Variants in ZNF626 observed in about 807,000 individuals in gnomAD.
The protein encoded by ZNF626 is CTC-513N18.7.
A neutral mutation model predicts 11.7 loss-of-function variants in ZNF626; 4 were observed. The observed-to-expected ratio is 0.34, with a 90% CI of 0.17 to 0.78. ZNF626 has a LOEUF of 0.78. Ranked by LOEUF, ZNF626 falls within the 30% of genes least tolerant of loss-of-function variation. ZNF626 has a pLI of 0.57. For synonymous variants in ZNF626, 179 were observed against 198.6 expected (o/e 0.90, Z 0.83); for missense variants, 588 against 587.1 (o/e 1.00, Z -0.01).
intron 3 of ZNF626, among the ~76,000 whole-genome samples, chr19:20,636,881 C>T (rs914594555): frequency 6.6e-6 from 1 of 151,938 alleles, no homozygotes; most frequent in East Asian, 1.9e-4. Context: ...ATTATTTGGG[C>T]ATGGTGGCAC....
In ZNF626 at chr19:20,623,780, C is replaced by CA; in HGVS notation, c.*509dup. On this transcript the variant is annotated 3_prime_UTR_variant, in exon 4 of 4. Transcript: ENST00000601440. ...TGCTATTGCACACCAGACTGGGTGA[C>CA]AAGAGTTGAAACTCCATCTCAAAAA... The CA allele has an allele frequency of 4.6e-6, 1 of 219,602 alleles. No individual in the cohort carries two copies. Among genetic ancestry groups the CA allele is most frequent in the Non-Finnish European group, 8.4e-6 (1 of 119,662 alleles). 13.6% of individuals were successfully genotyped at this position (219,602 alleles called of 1,614,324 possible).
Position 20,659,474 on chromosome 19 carries a change from G to A in ZNF626, c.3+1970C>T, listed in dbSNP as rs140789274. ...CAGGCTGGTCTCAAGCTCCTGACTT[G>A]CGGTGATCCGTCCGCCTAGGCCTCC... On this transcript the variant is annotated intron_variant, in intron 1 of 3. Transcript: ENST00000601440. Among the ~76,000 whole-genome samples the A allele has an allele frequency of 3.9e-3, 596 of 152,186 alleles. 2 individuals are homozygous for A. The highest frequency in any genetic ancestry group is 6.5e-3 in the Admixed American group (99 of 15,276).
chr19:20,645,296 GATGCAA>G (rs1970063362), intron 3 of ZNF626: 1 of 1,508,414 alleles, frequency 6.6e-7, no homozygotes, highest in Admixed American at 2.5e-5. Flanking sequence ...TTTCAGATCT[GATGCAA>G]AGAGAACTTT....
Position 20,661,492 on chromosome 19 carries a change from A to G in ZNF626, c.-46T>C, listed in dbSNP as rs1555773692. ...CGGTGTCTTAGCTGTGGATCTCCCA[A>G]TACCTGCAGGACACGGGGCCACACA... On this transcript the variant is annotated 5_prime_UTR_variant, in exon 1 of 4. Coordinates refer to ENST00000601440, the MANE Select transcript of ZNF626 (RefSeq NM_001076675.3). 1.9e-6 allele frequency: 3 copies of G among 1,611,156 alleles called. No individual in the cohort carries two copies. The highest frequency in any genetic ancestry group is 2.5e-6 in the Non-Finnish European group (3 of 1,178,306).
intron 3 of ZNF626, 72 bp from the exon 4 acceptor site, chr19:20,625,722 T>C: frequency 7.0e-7 from 1 of 1,427,310 alleles, no homozygotes; most frequent in Non-Finnish European, 9.3e-7. Flanking sequence ...ATATGCAGTT[T>C]GTATAGTTTT....
At chr19:20,638,489 A>C (rs1969989774) in intron 3 of ZNF626, among the ~76,000 whole-genome samples, 2 of 151,584 alleles carry the variant, frequency 1.3e-5, no homozygotes, top group Non-Finnish European at 2.9e-5. Context: ...AGAAAGCCTG[A>C]GTGGTTTTTT....
In ZNF626 at chr19:20,642,848, C is replaced by G. The variant is rs1406093013; in HGVS notation, c.226+2836G>C. On this transcript the variant is annotated intron_variant, in intron 3 of 3. Transcript: ENST00000601440. ...TCAACATGATGAAACCCCATCTCTACTAAAAATACAAAAATTACCAGGCAT... is the reference window on the plus strand; with the variant it reads ...TCAACATGATGAAACCCCATCTCTAGTAAAAATACAAAAATTACCAGGCAT... Among the ~76,000 whole-genome samples, 7 of 151,890 alleles carry G rather than the reference C, an allele frequency of 4.6e-5. No homozygotes were observed. The East Asian group carries it at 1.4e-3, about 30-fold the overall frequency.
intron 3 of ZNF626, among the ~76,000 whole-genome samples, chr19:20,626,585 G>C (rs1015593279): frequency 1.3e-5 from 2 of 152,010 alleles, no homozygotes; most frequent in East Asian, 2.0e-4. Context: ...GGGCATGGTG[G>C]CATGTGCCTG....
At chr19:20,634,335 C>T (rs981020126) in intron 3 of ZNF626, among the ~76,000 whole-genome samples, 2 of 152,102 alleles carry the variant, frequency 1.3e-5, no homozygotes, top group African/African-American at 4.8e-5. Context: ...GAACACTCCT[C>T]GACAACATCA....
intron 3 of ZNF626, among the ~76,000 whole-genome samples, chr19:20,628,988 C>G (rs10418482): frequency 0.45 from 68,618 of 151,906 alleles, 16,826 homozygotes; most frequent in African/African-American, 0.65. Flanking sequence ...TCCAGTTTCA[C>G]CTTTCTACAT....
chr19:20,643,878 T>A (rs1159982688), intron 3 of ZNF626, among the ~76,000 whole-genome samples: 2 of 152,178 alleles, frequency 1.3e-5, no homozygotes, highest in African/African-American at 4.8e-5. Flanking sequence ...TGAAACCCTA[T>A]TAAAGCTGAA....
chr19:20,642,431 C>T (rs1421936979), intron 3 of ZNF626, among the ~76,000 whole-genome samples: 3 of 152,082 alleles, frequency 2.0e-5, no homozygotes, highest in Non-Finnish European at 2.9e-5. Flanking sequence ...AACACCATCT[C>T]GAATAATAAT....
chr19:20,647,679 G>T (rs1015958779), intron 1 of ZNF626, among the ~76,000 whole-genome samples: 10 of 151,680 alleles, frequency 6.6e-5, no homozygotes, highest in Admixed American at 1.3e-4. Flanking sequence ...GTAGAGACAG[G>T]GTTTCACCGT....
chr19:20,651,738 G>A (rs576652698), intron 1 of ZNF626, among the ~76,000 whole-genome samples: 3 of 152,296 alleles, frequency 2.0e-5, no homozygotes, highest in Admixed American at 6.5e-5. Flanking sequence ...AGAGACTCAG[G>A]CTGATTCTAA....
At position 20,645,271 on chromosome 19, in the gene ZNF626, T is replaced by A. The variant is rs551295194; in HGVS notation, c.226+413A>T. ...GAACAAAAAAAAATTCAACAGAAAC[T>A]ATTACTCTCAGACATTTCAGATCTG... On this transcript the variant is annotated intron_variant, in intron 3 of 3. Transcript: ENST00000601440. The A allele has an allele frequency of 1.2e-5, 18 of 1,466,230 alleles. No homozygotes were observed. The East Asian group carries it at 4.2e-4, about 34-fold the overall frequency. 90.8% of individuals were successfully genotyped at this position (1,466,230 alleles called of 1,614,324 possible).
In ZNF626 at chr19:20,645,834, C is replaced by T. The variant is rs944943101; in HGVS notation, c.131-55G>A. 3 of 1,380,712 alleles carry T rather than the reference C, an allele frequency of 2.2e-6. No homozygotes were observed. The Admixed American group carries it at 5.8e-5, about 27-fold the overall frequency. The allele number at this position is 1,380,712 out of a possible 1,614,324, so 85.5% of individuals were successfully genotyped here. The stretch of plus-strand genomic sequence containing the variant: ...CTTGCTTATGTTCTCCAATTACAAG[C>T]TAGTAATGTGCTCAGCACAGAGGAT... On this transcript the variant is annotated intron_variant, in intron 2 of 3. Transcript: ENST00000601440.
rs185880890 is a variant in ZNF626 at position 20,653,585 on chromosome 19, C to G, written c.4-7180G>C. Among the ~76,000 whole-genome samples, 138 of 150,308 alleles carry G rather than the reference C, an allele frequency of 9.2e-4. 1 individual carries two copies. The highest frequency in any genetic ancestry group is 3.3e-3 in the African/African-American group (134 of 40,992). Reference sequence around the variant, plus strand: ...CAGAGGTTGCAGTGAGCCCAGATAGCACCACTGCACTCCAGCCTGGGGGAC... The same window carrying G: ...CAGAGGTTGCAGTGAGCCCAGATAGGACCACTGCACTCCAGCCTGGGGGAC... On this transcript the variant is annotated intron_variant, in intron 1 of 3. Transcript: ENST00000601440.
At chr19:20,641,317 T>A (rs1356689997) in intron 3 of ZNF626, among the ~76,000 whole-genome samples, 5 of 151,988 alleles carry the variant, frequency 3.3e-5, no homozygotes, top group Non-Finnish European at 7.4e-5. Context: ...AATAAAACAA[T>A]CTTGTCACAT....
At chr19:20,632,209 G>A (rs1487724728) in intron 3 of ZNF626, among the ~76,000 whole-genome samples, 5 of 152,280 alleles carry the variant, frequency 3.3e-5, no homozygotes, top group African/African-American at 1.2e-4. Flanking sequence ...TTTCTCTCTG[G>A]CTGCTCTTAA....
Sources: gnomAD v4.1 joint callset for allele counts (sites outside exome capture counted in the v4.1 genomes callset) on GRCh38, gnomAD v4.1.1 for gene constraint, MANE v1.5 for transcripts, NCBI Gene and HGNC (gene_info 2026-07-23, HGNC 2026-07-21) for gene names.